Variants in PCDH9 observed in about 807,000 individuals in gnomAD.
PCDH9 encodes the protein protocadherin-9.
PCDH9 carries 24 observed loss-of-function variants against 70.6 expected under a neutral mutation model. The observed-to-expected ratio is 0.34, with a 90% CI of 0.25 to 0.48. PCDH9 has a LOEUF of 0.48. PCDH9 is among the 20% of genes least tolerant of loss of function. PCDH9 has a pLI of 0.99. For synonymous variants in PCDH9, 562 were observed against 558.5 expected (o/e 1.01, Z -0.09); for missense variants, 1,281 against 1,503.6 (o/e 0.85, Z 2.45).
intron 4 of PCDH9, among the ~76,000 whole-genome samples, chr13:66,595,004 A>C (rs55950107): frequency 0.16 from 24,345 of 151,062 alleles, 2,130 homozygotes; most frequent in Middle Eastern, 0.23. Flanking sequence ...AAAAAAAAAA[A>C]AACTTAAAAT....
At chr13:66,656,190 G>A (rs1017574671) in intron 3 of PCDH9, among the ~76,000 whole-genome samples, 6 of 151,668 alleles carry the variant, frequency 4.0e-5, no homozygotes, top group African/African-American at 1.5e-4. Flanking sequence ...TCTTGGCTGA[G>A]CCTGTTACTG....
chr13:66,988,768 A>T (rs1297347243), intron 2 of PCDH9, among the ~76,000 whole-genome samples: 1 of 152,000 alleles, frequency 6.6e-6, no homozygotes, highest in East Asian at 1.9e-4. Context: ...AACGTCTAGA[A>T]CTATTAGATG....
At chr13:66,830,565 G>T (rs903338001) in intron 3 of PCDH9, among the ~76,000 whole-genome samples, 1 of 152,098 alleles carries the variant, frequency 6.6e-6, no homozygotes, top group African/African-American at 2.4e-5. Flanking sequence ...AAAAGATCAA[G>T]AAATTAAGTA....
intron 3 of PCDH9, among the ~76,000 whole-genome samples, chr13:66,698,222 G>C (rs896697500): frequency 3.3e-5 from 5 of 152,130 alleles, no homozygotes; most frequent in African/African-American, 9.7e-5. Flanking sequence ...GTAAAACAAT[G>C]TGAATCTACT....
intron 4 of PCDH9, among the ~76,000 whole-genome samples, chr13:66,346,174 T>C (rs1027439895): frequency 6.6e-6 from 1 of 151,986 alleles, no homozygotes; most frequent in African/African-American, 2.4e-5. Context: ...GAGCCAAATG[T>C]GTTTAATTAA....
intron 3 of PCDH9, among the ~76,000 whole-genome samples, chr13:66,890,559 G>A (rs1466636423): frequency 6.6e-6 from 1 of 150,516 alleles, no homozygotes; most frequent in Non-Finnish European, 1.5e-5. Context: ...TTACAAATGA[G>A]GATGGTCTTT....
intron 4 of PCDH9, among the ~76,000 whole-genome samples, chr13:66,509,806 T>C (rs1382884822): frequency 6.6e-6 from 1 of 152,122 alleles, no homozygotes; most frequent in Admixed American, 6.6e-5. Context: ...TCTAGTGAAA[T>C]TTTTGCTTTG....
chr13:66,463,077 A>T (rs1035979043), intron 4 of PCDH9, among the ~76,000 whole-genome samples: 5 of 151,802 alleles, frequency 3.3e-5, no homozygotes, highest in Non-Finnish European at 7.4e-5. Context: ...TATATACATG[A>T]TGCAAACTAA....
chr13:66,304,617 T>C lies in PCDH9; in HGVS notation c.*38A>G, dbSNP rs775920916. 3.2e-6 allele frequency: 5 copies of C among 1,552,100 alleles called. No individual in the cohort carries two copies. The highest frequency in any genetic ancestry group is 1.7e-5 in the Admixed American group (1 of 59,084). On this transcript the variant is annotated 3_prime_UTR_variant, in exon 5 of 5. Transcript: ENST00000377865. ...AGCTCTGACGCACACGGTATTAGCATGTCTATTTAAAGTTATTAGGTCCCA... is the reference window on the plus strand; with the variant it reads ...AGCTCTGACGCACACGGTATTAGCACGTCTATTTAAAGTTATTAGGTCCCA...
At chr13:66,729,012 A>G (rs553656091) in intron 3 of PCDH9, among the ~76,000 whole-genome samples, 2 of 152,002 alleles carry the variant, frequency 1.3e-5, no homozygotes, top group Non-Finnish European at 2.9e-5. Context: ...CTGATGACAT[A>G]TATTTGTATG....
rs1288742133 is a variant in PCDH9, at chr13:66,601,459, TAA to T, written c.3340+29749_3340+29750del. Among the ~76,000 whole-genome samples the T allele has an allele frequency of 2.7e-5, 4 of 146,120 alleles. 1 individual carries two copies. Among genetic ancestry groups the T allele is most frequent in the Admixed American group, 2.1e-4 (3 of 14,488 alleles). ...TTAATGGAGACAATAAAAATAGATATAAGTTTCACTGAGTAAATGAAATTGAC... is the reference window on the plus strand; with the variant it reads ...TTAATGGAGACAATAAAAATAGATATGTTTCACTGAGTAAATGAAATTGAC... On this transcript the variant is annotated intron_variant, in intron 4 of 4. Transcript: ENST00000377865.
rs1477719892 is a variant in PCDH9 at position 67,061,375 on chromosome 13, C to T, written c.3037-157770G>A. Among the ~76,000 whole-genome samples the T allele has an allele frequency of 7.0e-5, 9 of 128,408 alleles. No individual in the cohort carries two copies. The East Asian group carries it at 3.1e-3, about 44-fold the overall frequency. The allele number at this position is 128,408 out of a possible 152,430, so 84.2% of individuals were successfully genotyped here. ...CAATGTTTCAACCATATCTTTCTGT[C>T]TGTCTGTTTGTCTGTCTCTCTCCCT... On this transcript the variant is annotated intron_variant, in intron 2 of 4. Transcript: ENST00000377865.
At chr13:66,737,856 A>G (rs1400458642) in intron 3 of PCDH9, among the ~76,000 whole-genome samples, 3 of 152,048 alleles carry the variant, frequency 2.0e-5, no homozygotes, top group Admixed American at 1.3e-4. Flanking sequence ...CGCCCATGGA[A>G]TCTCGTTGAT....
chr13:66,375,135 A>G (rs1956725348), intron 4 of PCDH9, among the ~76,000 whole-genome samples: 1 of 152,140 alleles, frequency 6.6e-6, no homozygotes. Context: ...TAGTATAGTT[A>G]CTTTATCAAA....
At chr13:66,743,497 A>T (rs952311466) in intron 3 of PCDH9, among the ~76,000 whole-genome samples, 35 of 150,352 alleles carry the variant, frequency 2.3e-4, no homozygotes, top group African/African-American at 6.3e-4. Flanking sequence ...AGTATAATAA[A>T]AAAAAAAAAA....
chr13:66,404,419 G>A (rs1957244695), intron 4 of PCDH9, among the ~76,000 whole-genome samples: 2 of 152,100 alleles, frequency 1.3e-5, no homozygotes, highest in Non-Finnish European at 2.9e-5. Context: ...AGGGAAGGGG[G>A]AGTTTCCAAA....
chr13:67,051,191 G>C (rs915054740), intron 2 of PCDH9, among the ~76,000 whole-genome samples: 3 of 151,932 alleles, frequency 2.0e-5, no homozygotes, highest in Admixed American at 6.6e-5. Flanking sequence ...AGTAGCATTT[G>C]GGTTAAGCCA....
chr13:66,832,137 A>G (rs931092613), intron 3 of PCDH9, among the ~76,000 whole-genome samples: 1 of 152,146 alleles, frequency 6.6e-6, no homozygotes, highest in Non-Finnish European at 1.5e-5. Context: ...ACCAGGGAAC[A>G]TTGCTAGCTG....
intron 2 of PCDH9, among the ~76,000 whole-genome samples, chr13:67,157,558 G>A (rs2087847176): frequency 6.6e-6 from 1 of 152,162 alleles, no homozygotes; most frequent in African/African-American, 2.4e-5. Flanking sequence ...TGGGTGAACT[G>A]TACTGACTCT....
Sources: allele counts gnomAD v4.1 joint callset (sites outside exome capture counted in the v4.1 genomes callset), GRCh38; gene constraint gnomAD v4.1.1; transcripts MANE v1.5; gene names NCBI Gene and HGNC (gene_info 2026-07-23, HGNC 2026-07-21).